The following GRIK5 variants were observed in gnomAD, a reference collection of about 807,000 sequenced individuals.
GRIK5 encodes the protein glutamate receptor ionotropic, kainate 5.
A neutral mutation model predicts 97.4 loss-of-function variants in GRIK5; 43 were observed. The ratio of observed to expected loss-of-function variants is 0.44; its 90% CI spans 0.35 to 0.57. GRIK5 has a LOEUF of 0.57. Ranked by LOEUF, GRIK5 falls within the 20% of genes least tolerant of loss-of-function variation. The pLI is 0.01. For synonymous variants in GRIK5, 580 were observed against 583.5 expected (o/e 0.99, Z 0.09); for missense variants, 1,015 against 1,382.0 (o/e 0.73, Z 4.21).
intron 11 of GRIK5, among the ~76,000 whole-genome samples, chr19:42,043,786 C>T (rs1382695702): frequency 6.6e-6 from 1 of 152,070 alleles, no homozygotes; most frequent in African/African-American, 2.4e-5. Flanking sequence ...AACTCTCATG[C>T]CTGAAATCTC....
chr19:42,031,051 G>GA (rs1483390790), intron 12 of GRIK5, among the ~76,000 whole-genome samples: 1 of 152,192 alleles, frequency 6.6e-6, no homozygotes, highest in Non-Finnish European at 1.5e-5. Flanking sequence ...TTGGTATGGA[G>GA]AAAAAAGCAT....
chr19:41,998,683 T>C lies in GRIK5; in HGVS notation c.*188A>G, dbSNP rs1316514015. On this transcript the variant is annotated 3_prime_UTR_variant, in exon 20 of 20. Transcript: ENST00000593562. The stretch of plus-strand genomic sequence containing the variant: ...CCGCGGCACCCTCTCGCGAGTCCAC[T>C]GGGGGGCGCAGGCGGGCTCCAGAGC... The C allele has an allele frequency of 4.8e-6, 1 of 206,994 alleles. No individual in the cohort carries two copies. The highest frequency in any genetic ancestry group is 9.3e-6 in the Non-Finnish European group (1 of 107,136). 12.8% of individuals were successfully genotyped at this position (206,994 alleles called of 1,614,324 possible).
Position 42,021,832 on chromosome 19 carries a change from G to A in GRIK5, c.1697+115C>T, listed in dbSNP as rs1009364292. 30 of 662,000 alleles carry A rather than the reference G, an allele frequency of 4.5e-5. 1 individual carries two copies. Among genetic ancestry groups the A allele is most frequent in the South Asian group, 3.6e-4 (19 of 52,738 alleles). The allele number at this position is 662,000 out of a possible 1,614,324, so 41.0% of individuals were successfully genotyped here. ...TGAGAAAGGAGGGCACAGGGAATCC[G>A]AGGCCCCAAAGGGGAGGCCAAGGAC... On this transcript the variant is annotated intron_variant, in intron 14 of 19. Transcript: ENST00000593562. This position sits in a 1 kb window ranked among gnomAD's most constrained non-coding sequence, Gnocchi z 4.2.
Position 42,061,025 on chromosome 19 carries a change from G to T in GRIK5, c.508+1463C>A, listed in dbSNP as rs141872867. 3.4e-3 allele frequency among the ~76,000 whole-genome samples: 520 copies of T among 152,310 alleles called. 1 individual carries two copies. Among genetic ancestry groups the T allele is most frequent in the Non-Finnish European group, 4.8e-3 (328 of 68,026 alleles). ...GATCAGAGCCTGGCACAGAGCAGGT[G>T]CTTAATAAATACCTTTATTTATTTA... On this transcript the variant is annotated intron_variant, in intron 5 of 19. Transcript: ENST00000593562.
Position 42,062,892 on chromosome 19 carries a change from C to A in GRIK5, c.245-37G>T, listed in dbSNP as rs1440529276. ...GGGGAAGAGACCGCAGAGTCAGGGA[C>A]CCCCTGCCTCCTCTCCTTCCCCATC... On this transcript the variant is annotated intron_variant, in intron 3 of 19. Coordinates refer to ENST00000593562, the MANE Select transcript of GRIK5 (RefSeq NM_002088.5). The surrounding 1 kb of genome is among the most constrained non-coding windows in gnomAD (Gnocchi z 5.3). 4.8e-6 allele frequency: 7 copies of A among 1,448,960 alleles called. No homozygotes were observed. The highest frequency in any genetic ancestry group is 4.5e-5 in the East Asian group (2 of 44,090). The allele number at this position is 1,448,960 out of a possible 1,614,324, so 89.8% of individuals were successfully genotyped here.
At position 42,053,649 on chromosome 19, in the gene GRIK5, G is replaced by C. The variant is rs749428580; in HGVS notation, c.1222C>G (p.Leu408Val). 2.5e-6 allele frequency: 4 copies of C among 1,613,720 alleles called. No individual in the cohort carries two copies. The East Asian group carries it at 8.9e-5, about 36-fold the overall frequency. Reference sequence around the variant, plus strand: ...GTCTTGTTGGCCAGTGTCTGCGACAGGTTGATGTCCAGGGTGGTGGCATTC... The same window carrying C: ...GTCTTGTTGGCCAGTGTCTGCGACACGTTGATGTCCAGGGTGGTGGCATTC... ...AMNATTLDIN[L>V]SQTLANKTLV... is the part of the protein sequence containing the mutation. The change falls in exon 11 of 20, where the codon CTG becomes GTG. Residue 408 changes from leucine (L) to valine (V), a missense_variant. Leu to Val is a conservative substitution (Grantham distance 32). Transcript: ENST00000593562.
At chr19:42,030,063 C>T (rs937729380) in intron 12 of GRIK5, among the ~76,000 whole-genome samples, 1 of 152,172 alleles carries the variant, frequency 6.6e-6, no homozygotes, top group African/African-American at 2.4e-5. Flanking sequence ...CTTTTTACCC[C>T]TTAAGTTAGC....
Position 42,065,515 on chromosome 19 carries a change from G to T in GRIK5, c.80-128C>A. ...CAGGGGTCTAGACACCTGGATCTGA[G>T]GTTGGTGGGAGCTAGGGGTCTGGAC... On this transcript the variant is annotated intron_variant, in intron 2 of 19. Coordinates refer to ENST00000593562, the MANE Select transcript of GRIK5 (RefSeq NM_002088.5). The surrounding 1 kb of genome is among the most constrained non-coding windows in gnomAD (Gnocchi z 5.8). 9.4e-7 allele frequency: 1 copy of T among 1,064,076 alleles called. No individual in the cohort carries two copies. Among genetic ancestry groups the T allele is most frequent in the Non-Finnish European group, 1.3e-6 (1 of 748,586 alleles). The allele number at this position is 1,064,076 out of a possible 1,614,324, so 65.9% of individuals were successfully genotyped here.
rs782618943 is a variant in GRIK5, at chr19:42,006,805, G to A, written c.1877C>T (p.Ala626Val). 2.5e-6 allele frequency: 4 copies of A among 1,601,764 alleles called. No homozygotes were observed. Among genetic ancestry groups the A allele is most frequent in the Non-Finnish European group, 3.4e-6 (4 of 1,172,960 alleles). ...GGAGGAGATGATGATCAAGGTGAAG[G>A]CCCACCTGAAGGGTGGGAGGGGTGA... is the stretch of plus-strand genomic sequence containing the variant. ...STRCVSGVWW[A>V]FTLIIISSYT... Residue 626 changes from alanine (A) to valine (V), a missense_variant, in exon 16 of 20, where the codon GCC becomes GTC. Physicochemically the swap from Ala to Val is moderately conservative, Grantham distance 64 (BLOSUM62 0). Around this residue, in one of 5 missense-constraint regions of GRIK5, gnomAD observed 477 missense variants for 701.1 expected, o/e 0.68. Coordinates refer to ENST00000593562, the MANE Select transcript of GRIK5 (RefSeq NM_002088.5). This position sits in a 1 kb window ranked among gnomAD's most constrained non-coding sequence, Gnocchi z 5.3.
chr19:42,043,499 G>A (rs1049602137), intron 11 of GRIK5, among the ~76,000 whole-genome samples: 2 of 149,362 alleles, frequency 1.3e-5, no homozygotes, highest in Admixed American at 1.4e-4. Flanking sequence ...TCCACCTCCT[G>A]GGTTTAAGCG....
intron 5 of GRIK5, 127 bp from the exon 6 acceptor site, chr19:42,059,654 C>G (rs930173285): frequency 1.3e-6 from 1 of 766,928 alleles, no homozygotes; most frequent in Non-Finnish European, 2.1e-6. Context: ...CATGGGGCAG[C>G]TGGGTCCCAT....
rs1414747748 is a variant in GRIK5, at chr19:42,065,774, C to T, written c.-4G>A. On this transcript the variant is annotated 5_prime_UTR_variant, in exon 2 of 20. Transcript: ENST00000593562. This position sits in a 1 kb window ranked among gnomAD's most constrained non-coding sequence, Gnocchi z 5.8. ...GCAGCAGCAGCTCAGCCGGCATCTT[C>T]CTCCCCTCCTCATGGGGACGCAGCT... is the stretch of plus-strand genomic sequence containing the variant. 6.3e-7 allele frequency: 1 copy of T among 1,574,980 alleles called. No individual in the cohort carries two copies. Among genetic ancestry groups the T allele is most frequent in the Admixed American group, 1.8e-5 (1 of 55,058 alleles).
At chr19:42,026,181 T>A (rs2075769556) in intron 12 of GRIK5, among the ~76,000 whole-genome samples, 1 of 152,052 alleles carries the variant, frequency 6.6e-6, no homozygotes, top group Non-Finnish European at 1.5e-5. Context: ...AAGACCAGGG[T>A]CTGGCTATGT....
At chr19:42,014,605 A>AGACC (rs1440187022) in intron 15 of GRIK5, among the ~76,000 whole-genome samples, 6 of 152,022 alleles carry the variant, frequency 3.9e-5, no homozygotes, top group African/African-American at 1.4e-4. Context: ...CAACATGGTG[A>AGACC]AACCCTGCCT....
chr19:42,055,189 C>T lies in GRIK5; in HGVS notation c.904-717G>A, dbSNP rs569140658. Among the ~76,000 whole-genome samples the T allele has an allele frequency of 5.3e-5, 8 of 152,332 alleles. No homozygotes were observed. The East Asian group carries it at 5.8e-4, about 11-fold the overall frequency. On this transcript the variant is annotated intron_variant, in intron 8 of 19. Transcript: ENST00000593562. ...TAGCCCCCAATCTGTGACACAACCA[C>T]GGTGTCTGTGTGTGCTTGTTAGGGT...
chr19:42,050,789 A>C (rs925980816), intron 11 of GRIK5, among the ~76,000 whole-genome samples: 2 of 151,882 alleles, frequency 1.3e-5, no homozygotes, highest in African/African-American at 4.8e-5. Context: ...GAGTTTCTTC[A>C]TCCGAAAATC....
intron 17 of GRIK5, 139 bp downstream of exon 17, chr19:42,005,584 G>A (rs2075479469): frequency 3.1e-6 from 2 of 652,174 alleles, no homozygotes; most frequent in Admixed American, 2.3e-5. Context: ...GATGTCGCCT[G>A]CCCAAGACCA....
intron 12 of GRIK5, among the ~76,000 whole-genome samples, chr19:42,041,319 G>C (rs886680783): frequency 6.6e-6 from 1 of 152,120 alleles, no homozygotes; most frequent in Non-Finnish European, 1.5e-5. Flanking sequence ...ACCAGCTCTG[G>C]GAGTGTCCTA....
At chr19:42,037,287 C>A (rs1425027628) in intron 12 of GRIK5, among the ~76,000 whole-genome samples, 1 of 152,174 alleles carries the variant, frequency 6.6e-6, no homozygotes, top group Non-Finnish European at 1.5e-5. Context: ...TGGCGAAACC[C>A]CGTCTCCACT....
Sources: gnomAD v4.1 joint callset for allele counts (sites outside exome capture counted in the v4.1 genomes callset) on GRCh38, gnomAD v4.1.1 for gene constraint, gnomAD v4.1.1 regional missense constraint, Gnocchi (gnomAD v3.1) non-coding constraint, MANE v1.5 for transcripts, NCBI Gene and HGNC (gene_info 2026-07-23, HGNC 2026-07-21) for gene names.